Variants in SLC14A2 observed in about 807,000 individuals in gnomAD.
The protein encoded by SLC14A2 is urea transporter 2.
SLC14A2 carries 91 observed loss-of-function variants against 104.6 expected under a neutral mutation model. That is an observed-to-expected ratio of 0.87 (90% CI 0.73 to 1.04). SLC14A2 has a LOEUF of 1.04. Ranked by LOEUF, SLC14A2 falls within the 50% of genes least tolerant of loss-of-function variation. The pLI, the probability that SLC14A2 is intolerant of heterozygous loss-of-function variation, is 0.00. For missense variants in SLC14A2, 1,189 were observed against 1,156.0 expected (o/e 1.03, Z -0.41); for synonymous variants, 476 against 466.4 (o/e 1.02, Z -0.27).
the SLC14A2 span, among the ~76,000 whole-genome samples, chr18:45,170,158 G>A: frequency 1.3e-5 from 2 of 149,750 alleles, no homozygotes; most frequent in East Asian, 4.2e-4. Context: ...CTCTGCTCCC[G>A]AGCATTGTTG....
chr18:45,267,338 T>G (rs2084602231), intron 1 of SLC14A2, among the ~76,000 whole-genome samples: 1 of 152,098 alleles, frequency 6.6e-6, no homozygotes, highest in African/African-American at 2.4e-5. Flanking sequence ...ATTTGATAAC[T>G]CCACAACATT....
intron 16 of SLC14A2, 48 bp downstream of exon 16, chr18:45,669,546 T>C (rs1215716939): frequency 6.8e-7 from 1 of 1,477,256 alleles, no homozygotes. Flanking sequence ...CACTGGATGT[T>C]ACTGGCATTT....
At chr18:45,576,272 CTT>C (rs776335445) in intron 2 of SLC14A2, among the ~76,000 whole-genome samples, 16 of 90,696 alleles carry the variant, frequency 1.8e-4, no homozygotes, top group Non-Finnish European at 1.7e-4. Flanking sequence ...GGAGCAGGGG[CTT>C]TTTTTTTTTT....
intron 5 of SLC14A2, among the ~76,000 whole-genome samples, chr18:45,636,278 T>A (rs1285352802): frequency 1.3e-5 from 2 of 152,134 alleles, no homozygotes; most frequent in Non-Finnish European, 2.9e-5. Flanking sequence ...TGTGGGGTAT[T>A]TGGTGTCTAG....
intron 1 of SLC14A2, among the ~76,000 whole-genome samples, chr18:45,362,347 G>A (rs553813791): frequency 3.3e-5 from 5 of 152,330 alleles, no homozygotes; most frequent in African/African-American, 4.8e-5. Context: ...GCTGGGAAAT[G>A]TGGCTGCCAG....
intron 2 of SLC14A2, among the ~76,000 whole-genome samples, chr18:45,598,289 C>G (rs1490707107): frequency 6.6e-6 from 1 of 151,990 alleles, no homozygotes; most frequent in African/African-American, 2.4e-5. Flanking sequence ...GAAATGATCT[C>G]TCTGTAGAAA....
intron 1 of SLC14A2, among the ~76,000 whole-genome samples, chr18:45,432,393 A>T (rs11660576): frequency 0.56 from 84,847 of 151,876 alleles, 23,942 homozygotes; most frequent in Admixed American, 0.69. Flanking sequence ...TACAAAAATA[A>T]TAGGTGATTA....
chr18:45,549,250 G>T (rs2044019093), intron 2 of SLC14A2, among the ~76,000 whole-genome samples: 1 of 152,236 alleles, frequency 6.6e-6, no homozygotes, highest in East Asian at 1.9e-4. Context: ...GTGGATTCCT[G>T]GAGGCAGTAA....
rs1432702539 is a variant in SLC14A2, at chr18:45,425,717, C to T, written c.-124-57516C>T. Among the ~76,000 whole-genome samples the T allele has an allele frequency of 6.6e-5, 10 of 152,278 alleles. No homozygotes were observed. The East Asian group carries it at 1.9e-3, about 29-fold the overall frequency. ...CGTGGTCTCTCCTGGAATTCAGTGTCAGTCAGGCCCCTAGGTATAATAGTA... is the reference window on the plus strand; with the variant it reads ...CGTGGTCTCTCCTGGAATTCAGTGTTAGTCAGGCCCCTAGGTATAATAGTA... On this transcript the variant is annotated intron_variant, in intron 1 of 20. Coordinates refer to the SLC14A2 transcript ENST00000586448.
intron 2 of SLC14A2, among the ~76,000 whole-genome samples, chr18:45,538,570 C>T (rs1314967067): frequency 6.6e-6 from 1 of 152,198 alleles, no homozygotes; most frequent in African/African-American, 2.4e-5. Context: ...GGACTGCTGA[C>T]ACAACATAAC....
At chr18:45,405,897 GAA>G (rs11315024) in intron 1 of SLC14A2, among the ~76,000 whole-genome samples, 18,515 of 128,962 alleles carry the variant, frequency 0.14, 1,785 homozygotes, top group African/African-American at 0.29. Context: ...ACTCCATCTC[GAA>G]AAAAAAAAAA....
At position 45,230,226 on chromosome 18, in the gene SLC14A2, AAAAT is replaced by A. The variant is rs200536506; in HGVS notation, c.-125+17038_-125+17041del. ...ATTACTTTTCTATTGCTGACAATAA[AAAAT>A]AACCACAAGCTTGGTGGCTTAAACA... On this transcript the variant is annotated intron_variant, in intron 1 of 20. Transcript: ENST00000586448. Among the ~76,000 whole-genome samples, 463 of 152,310 alleles carry A rather than the reference AAAAT, an allele frequency of 3.0e-3. 3 individuals carry two copies. Among genetic ancestry groups the A allele is most frequent in the African/African-American group, 0.01 (433 of 41,574 alleles).
intron 2 of SLC14A2, among the ~76,000 whole-genome samples, chr18:45,562,160 G>A (rs1047552308): frequency 3.9e-5 from 6 of 152,304 alleles, no homozygotes; most frequent in African/African-American, 1.4e-4. Flanking sequence ...TAAATACACT[G>A]AATCATTCTA....
intron 1 of SLC14A2, among the ~76,000 whole-genome samples, chr18:45,231,579 C>T (rs2084175283): frequency 1.3e-5 from 2 of 152,192 alleles, no homozygotes; most frequent in African/African-American, 4.8e-5. Context: ...TTCGTTGTCT[C>T]CAGTCAGGAT....
chr18:45,391,878 C>T (rs1045675132), intron 1 of SLC14A2, among the ~76,000 whole-genome samples: 8 of 152,268 alleles, frequency 5.3e-5, no homozygotes, highest in Admixed American at 2.6e-4. Context: ...TTGTGGGTTG[C>T]CTGTTCACTC....
chr18:45,296,825 C>T (rs935883768), intron 1 of SLC14A2, among the ~76,000 whole-genome samples: 25 of 117,270 alleles, frequency 2.1e-4, no homozygotes, highest in South Asian at 1.3e-3. Flanking sequence ...CCAGGGTAGC[C>T]GTCATAAAAA....
intron 15 of SLC14A2, 93 bp downstream of exon 15, chr18:45,668,570 AAGTGGCATGTATTT>A: frequency 7.2e-7 from 1 of 1,398,362 alleles, no homozygotes. Context: ...CGTGATATTA[AAGTGGCATGTATTT>A]AGCTTGCACA....
At chr18:45,530,998 C>T (rs1311354084) in intron 2 of SLC14A2, among the ~76,000 whole-genome samples, 1 of 152,100 alleles carries the variant, frequency 6.6e-6, no homozygotes, top group Non-Finnish European at 1.5e-5. Context: ...TGGTTTCTAG[C>T]TTCATCCATG....
intron 1 of SLC14A2, among the ~76,000 whole-genome samples, chr18:45,360,363 T>C (rs957022694): frequency 6.6e-6 from 1 of 152,214 alleles, no homozygotes; most frequent in African/African-American, 2.4e-5. Flanking sequence ...TTTCTTTGTG[T>C]CCCCATAGTA....
Sources: allele counts gnomAD v4.1 joint callset (sites outside exome capture counted in the v4.1 genomes callset), GRCh38; gene constraint gnomAD v4.1.1; transcripts MANE v1.5; gene names NCBI Gene and HGNC (gene_info 2026-07-23, HGNC 2026-07-21).